IL15: variants seen among roughly 807,000 people sequenced by gnomAD.
The protein encoded by IL15 is interleukin-15.
In IL15, 11 loss-of-function variants were observed where a neutral mutation model predicts 19.6. The ratio of observed to expected loss-of-function variants is 0.56; its 90% CI spans 0.35 to 0.93. The LOEUF (loss-of-function observed/expected upper bound fraction) is 0.93. Among genes scored for constraint, IL15 ranks in the 40% least tolerant of loss-of-function variants. IL15 has a pLI of 0.01. For missense variants in IL15, 197 were observed against 186.5 expected (o/e 1.06, Z -0.33); for synonymous variants, 58 against 59.6 (o/e 0.97, Z 0.12).
At chr4:141,689,936 T>A (rs28802667) in intron 2 of IL15, among the ~76,000 whole-genome samples, 130,558 of 152,190 alleles carry the variant, frequency 0.86, 56,507 homozygotes, top group East Asian at 0.99. Flanking sequence ...GGCTCGGGCC[T>A]CACAGGAGCC....
chr4:141,732,698 A>G (rs1730489039), intron 7 of IL15, 40 bp from the exon 8 acceptor site: 2 of 1,599,880 alleles, frequency 1.3e-6, no homozygotes, highest in Non-Finnish European at 1.7e-6. Context: ...ATTTAATTTA[A>G]TTATAAATTG....
At chr4:141,716,274 A>G (rs1456568308) in intron 2 of IL15, 1 of 152,298 alleles carries the variant, frequency 6.6e-6, no homozygotes, top group Non-Finnish European at 1.5e-5. Flanking sequence ...CCAGAGTTCT[A>G]GGATGGCAGA....
intron 4 of IL15, chr4:141,721,567 C>A: frequency 1.9e-6 from 1 of 526,110 alleles, no homozygotes; most frequent in South Asian, 1.6e-5. Context: ...CTCTGTAAAT[C>A]TCTACTTAAA....
chr4:141,731,984 T>A (rs1263706438), intron 7 of IL15, among the ~76,000 whole-genome samples: 2 of 152,194 alleles, frequency 1.3e-5, no homozygotes, highest in Non-Finnish European at 2.9e-5. Flanking sequence ...GATTACAGTG[T>A]GTCAGGCCCT....
At chr4:141,637,254 C>G (rs1704799392) in intron 1 of IL15, 2 of 152,392 alleles carry the variant, frequency 1.3e-5, no homozygotes, top group African/African-American at 4.8e-5. Context: ...CCTAACTGCT[C>G]CCGTCCCAAA....
At chr4:141,725,454 T>C (rs1730225850) in intron 5 of IL15, among the ~76,000 whole-genome samples, 1 of 152,124 alleles carries the variant, frequency 6.6e-6, no homozygotes, top group African/African-American at 2.4e-5. Flanking sequence ...TGGCCACCTA[T>C]AAGCCAAGGA....
chr4:141,652,161 T>C (rs1727429594), intron 1 of IL15, among the ~76,000 whole-genome samples: 1 of 152,138 alleles, frequency 6.6e-6, no homozygotes, highest in African/African-American at 2.4e-5. Context: ...TGGCAATCTA[T>C]TTATAATAAT....
At chr4:141,684,889 A>G (rs1728659948) in intron 2 of IL15, among the ~76,000 whole-genome samples, 1 of 151,994 alleles carries the variant, frequency 6.6e-6, no homozygotes, top group South Asian at 2.1e-4. Flanking sequence ...TAGTATACTG[A>G]GTTTGTAGTT....
Position 141,733,010 on chromosome 4 carries a change from A to G in IL15, c.*162A>G. ...CAGATGAACTCTTAGAAATGAAGGC[A>G]GAAAAATGTCATTGAGTAATATAGT... On this transcript the variant is annotated 3_prime_UTR_variant, in exon 8 of 8. Transcript: ENST00000320650. 8.8e-7 allele frequency: 1 copy of G among 1,134,008 alleles called. No individual in the cohort carries two copies. Among genetic ancestry groups the G allele is most frequent in the Non-Finnish European group, 1.2e-6 (1 of 845,746 alleles). The allele number at this position is 1,134,008 out of a possible 1,614,324, so 70.2% of individuals were successfully genotyped here.
intron 2 of IL15, chr4:141,717,329 T>A (rs1729919871): frequency 6.6e-6 from 1 of 152,200 alleles, no homozygotes; most frequent in Non-Finnish European, 1.5e-5. Context: ...CTTTAACAGG[T>A]AATTAGGTAT....
At chr4:141,715,395 C>G (rs1729849265) in intron 2 of IL15, 1 of 152,190 alleles carries the variant, frequency 6.6e-6, no homozygotes, top group South Asian at 2.1e-4. Flanking sequence ...TGAGATACCA[C>G]CGGGGCTCAC....
At chr4:141,728,022 T>A (rs763895768) in intron 6 of IL15, 38 bp downstream of exon 6, 1 of 962,806 alleles carries the variant, frequency 1.0e-6, no homozygotes, top group South Asian at 1.4e-5. Flanking sequence ...ATTTGTCTTG[T>A]TATTAAAGTT....
At chr4:141,653,405 C>G (rs1381825426) in intron 1 of IL15, among the ~76,000 whole-genome samples, 2 of 152,096 alleles carry the variant, frequency 1.3e-5, no homozygotes, top group Admixed American at 6.6e-5. Flanking sequence ...GTGGATAATA[C>G]ATTACCATGG....
chr4:141,639,561 T>A (rs1301643579), intron 1 of IL15, among the ~76,000 whole-genome samples: 1 of 152,224 alleles, frequency 6.6e-6, no homozygotes, highest in African/African-American at 2.4e-5. Context: ...TCTGCCTATC[T>A]ATGTATCCCT....
chr4:141,662,855 C>G (rs1215657912), intron 2 of IL15, among the ~76,000 whole-genome samples: 1 of 151,616 alleles, frequency 6.6e-6, no homozygotes, highest in African/African-American at 2.4e-5. Flanking sequence ...TGATTTAAAC[C>G]CTTAAAGAAG....
intron 5 of IL15, 39 bp from the exon 6 acceptor site, chr4:141,727,901 G>C: frequency 2.4e-6 from 2 of 832,790 alleles, no homozygotes; most frequent in African/African-American, 1.7e-5. Context: ...TTAAAGCAGG[G>C]CATAGTTTTT....
intron 2 of IL15, among the ~76,000 whole-genome samples, chr4:141,707,971 T>C (rs754021275): frequency 6.6e-6 from 1 of 152,066 alleles, no homozygotes; most frequent in African/African-American, 2.4e-5. Context: ...TGGCAGTCTG[T>C]TGGAGAGGCA....
intron 2 of IL15, among the ~76,000 whole-genome samples, chr4:141,685,869 T>C (rs1728691676): frequency 6.6e-6 from 1 of 152,218 alleles, no homozygotes; most frequent in Admixed American, 6.5e-5. Context: ...CATTTAAAAA[T>C]ATCTTTGTAT....
intron 6 of IL15, 36 bp from the exon 7 acceptor site, chr4:141,729,810 GA>G (rs761715054): frequency 1.6e-6 from 2 of 1,214,012 alleles, no homozygotes; most frequent in African/African-American, 1.5e-5. Context: ...TTAATAATCA[GA>G]AAAAAGTAAT....
Sources: gnomAD v4.1 joint callset for allele counts (sites outside exome capture counted in the v4.1 genomes callset) on GRCh38, gnomAD v4.1.1 for gene constraint, MANE v1.5 for transcripts, NCBI Gene and HGNC (gene_info 2026-07-23, HGNC 2026-07-21) for gene names.